The following ATG5 variants were observed in gnomAD, a reference collection of about 807,000 sequenced individuals.
ATG5 encodes the protein autophagy related 5.
Under a neutral mutation model 36.5 loss-of-function variants are expected in ATG5, and 14 were observed. The observed-to-expected ratio is 0.38, with a 90% confidence interval of 0.25 to 0.60. The LOEUF is 0.60. Among genes scored for constraint, ATG5 ranks in the 20% least tolerant of loss-of-function variants. ATG5 has a pLI of 0.60. For missense variants in ATG5, 195 were observed against 326.7 expected (o/e 0.60, Z 3.11); for synonymous variants, 95 against 101.5 (o/e 0.94, Z 0.38).
At chr6:106,281,442 T>C (rs1215648548) in intron 4 of ATG5, among the ~76,000 whole-genome samples, 3 of 152,226 alleles carry the variant, frequency 2.0e-5, no homozygotes, top group Admixed American at 6.5e-5. Flanking sequence ...TGCAGTATTA[T>C]GTAACTTAGT....
chr6:106,201,095 G>T (rs1776410697), intron 7 of ATG5, among the ~76,000 whole-genome samples: 1 of 152,054 alleles, frequency 6.6e-6, no homozygotes, highest in Admixed American at 6.6e-5. Flanking sequence ...TACTTATACT[G>T]TATTCTTAGG....
intron 6 of ATG5, among the ~76,000 whole-genome samples, chr6:106,235,813 CA>C (rs35220054): frequency 2.7e-4 from 40 of 147,504 alleles, no homozygotes; most frequent in Non-Finnish European, 3.9e-4. Flanking sequence ...ATTGCAACTG[CA>C]AAAAAAAAAT....
chr6:106,199,626 G>A (rs1776341858), intron 7 of ATG5, among the ~76,000 whole-genome samples: 1 of 152,074 alleles, frequency 6.6e-6, no homozygotes. Context: ...GGTGATGGTT[G>A]CACAACTCTA....
intron 5 of ATG5, among the ~76,000 whole-genome samples, chr6:106,259,339 C>A (rs1778923687): frequency 6.6e-6 from 1 of 152,120 alleles, no homozygotes; most frequent in South Asian, 2.1e-4. Context: ...TCCAAAACTT[C>A]AATCAGGATT....
At chr6:106,212,458 T>C (rs1776888976) in intron 6 of ATG5, among the ~76,000 whole-genome samples, 1 of 152,180 alleles carries the variant, frequency 6.6e-6, no homozygotes, top group African/African-American at 2.4e-5. Context: ...CTGGCCAATA[T>C]GGTGAACCCG....
chr6:106,258,108 G>A (rs551455155), intron 5 of ATG5, among the ~76,000 whole-genome samples: 5 of 152,016 alleles, frequency 3.3e-5, no homozygotes, highest in Non-Finnish European at 7.4e-5. Context: ...CACTTGTAAT[G>A]CTTGATGGCT....
chr6:106,297,996 G>A (rs919832942), intron 3 of ATG5, among the ~76,000 whole-genome samples: 2 of 146,668 alleles, frequency 1.4e-5, no homozygotes, highest in African/African-American at 5.1e-5. Flanking sequence ...ACAGAGTCTC[G>A]TTCTGTCGCC....
chr6:106,302,738 G>A (rs1770268644), intron 3 of ATG5, among the ~76,000 whole-genome samples: 1 of 151,590 alleles, frequency 6.6e-6, no homozygotes, highest in Admixed American at 6.6e-5. Flanking sequence ...ATAATGAAAA[G>A]ATAACAGAAA....
chr6:106,289,275 A>C (rs12529626), intron 4 of ATG5, among the ~76,000 whole-genome samples: 1 of 152,150 alleles, frequency 6.6e-6, no homozygotes, highest in Non-Finnish European at 1.5e-5. Flanking sequence ...TCAAAAATCT[A>C]TAAGGCAGTA....
chr6:106,277,514 G>T (rs1449581538), intron 5 of ATG5, among the ~76,000 whole-genome samples: 1 of 152,172 alleles, frequency 6.6e-6, no homozygotes, highest in Admixed American at 6.5e-5. Context: ...CTTACCGTTG[G>T]TTATAAATAT....
Position 106,283,282 on chromosome 6 carries a change from G to GT in ATG5, c.316-3460dup, listed in dbSNP as rs367834021. The GT allele has an allele frequency of 3.5e-4, 54 of 152,254 alleles. 1 individual carries two copies. The highest frequency in any genetic ancestry group is 1.3e-3 in the African/African-American group (54 of 41,538). 9.4% of individuals were successfully genotyped at this position (152,254 alleles called of 1,614,324 possible). A position where few individuals can be genotyped will look rare whatever the true frequency, so the allele number is the denominator to read the frequency against. Reference sequence around the variant, plus strand: ...CTTTTAATGTCTTTATCAGGTTTCAGTATCAGGGTTATTCTGGCCTCTAAC... The same window carrying GT: ...CTTTTAATGTCTTTATCAGGTTTCAGTTATCAGGGTTATTCTGGCCTCTAAC... On this transcript the variant is annotated intron_variant, in intron 4 of 7. Transcript: ENST00000369076.
intron 6 of ATG5, among the ~76,000 whole-genome samples, chr6:106,219,626 C>CTA (rs1428817682): frequency 1.3e-5 from 2 of 152,082 alleles, no homozygotes; most frequent in Admixed American, 6.5e-5. Context: ...TATGCAAATA[C>CTA]TACACCATTT....
chr6:106,286,380 T>C (rs1207041788), intron 4 of ATG5, among the ~76,000 whole-genome samples: 1 of 152,248 alleles, frequency 6.6e-6, no homozygotes, highest in East Asian at 1.9e-4. Flanking sequence ...TTTTTGGTCC[T>C]GTTTTCTAAT....
intron 6 of ATG5, among the ~76,000 whole-genome samples, chr6:106,218,317 A>T (rs924362973): frequency 6.6e-6 from 1 of 152,102 alleles, no homozygotes; most frequent in African/African-American, 2.4e-5. Flanking sequence ...GTTTTATTCA[A>T]ATAATTTTAT....
At chr6:106,198,315 G>A (rs1269318827) in intron 7 of ATG5, among the ~76,000 whole-genome samples, 1 of 152,158 alleles carries the variant, frequency 6.6e-6, no homozygotes, top group Non-Finnish European at 1.5e-5. Context: ...AGGTAGTTAG[G>A]AAAGAGACTT....
rs78315581 is a variant in ATG5 at position 106,318,178 on chromosome 6, C to T, written c.-58-1912G>A. 6.7e-3 allele frequency among the ~76,000 whole-genome samples: 1,013 copies of T among 152,218 alleles called. 17 individuals are homozygous for T. The highest frequency in any genetic ancestry group is 0.024 in the African/African-American group (987 of 41,502). ...CTCTTCCCTCCTCTTCAAGCACTGTCCTCTCAAGGAGGAATAGTAATCTGA... is the reference window on the plus strand; with the variant it reads ...CTCTTCCCTCCTCTTCAAGCACTGTTCTCTCAAGGAGGAATAGTAATCTGA... On this transcript the variant is annotated intron_variant, in intron 1 of 7. Coordinates refer to ENST00000369076, the MANE Select transcript of ATG5 (RefSeq NM_004849.4).
At chr6:106,310,490 A>ATT (rs1373824525) in intron 2 of ATG5, among the ~76,000 whole-genome samples, 2 of 152,174 alleles carry the variant, frequency 1.3e-5, no homozygotes, top group African/African-American at 4.8e-5. Flanking sequence ...TTTTACCTGC[A>ATT]GACTATATAT....
At chr6:106,301,885 T>G (rs1340626741) in intron 3 of ATG5, among the ~76,000 whole-genome samples, 3 of 151,992 alleles carry the variant, frequency 2.0e-5, no homozygotes, top group Non-Finnish European at 4.4e-5. Context: ...CATTGCTGTT[T>G]TACAGACAAG....
At chr6:106,300,829 T>A (rs1770178787) in intron 3 of ATG5, among the ~76,000 whole-genome samples, 1 of 151,806 alleles carries the variant, frequency 6.6e-6, no homozygotes, top group Non-Finnish European at 1.5e-5. Flanking sequence ...GAGTATGTAT[T>A]TTTTTTTACA....
Sources: gnomAD v4.1 joint callset for allele counts (sites outside exome capture counted in the v4.1 genomes callset) on GRCh38, gnomAD v4.1.1 for gene constraint, MANE v1.5 for transcripts, NCBI Gene and HGNC (gene_info 2026-07-23, HGNC 2026-07-21) for gene names.